The following NFIB variants were observed in gnomAD, a reference collection of about 807,000 sequenced individuals.
NFIB encodes nuclear factor 1 B-type.
In NFIB, 11 loss-of-function variants were observed where a neutral mutation model predicts 61.5. The ratio of observed to expected loss-of-function variants is 0.18; its 90% CI spans 0.11 to 0.30. NFIB has a LOEUF of 0.30. Ranked by LOEUF, NFIB falls within the 10% of genes least tolerant of loss-of-function variation. NFIB has a pLI of 1.00. For missense variants in NFIB, 471 were observed against 608.9 expected (o/e 0.77, Z 2.38); for synonymous variants, 260 against 216.5 (o/e 1.20, Z -1.76).
At chr9:14,372,712 C>T (rs188369906) in intron 1 of NFIB, among the ~76,000 whole-genome samples, 29 of 152,210 alleles carry the variant, frequency 1.9e-4, no homozygotes, top group Admixed American at 1.3e-4. Flanking sequence ...TGTGGTCCAG[C>T]GGGTGCCCTG....
At chr9:14,227,293 G>T (rs2052553626) in intron 2 of NFIB, among the ~76,000 whole-genome samples, 1 of 152,162 alleles carries the variant, frequency 6.6e-6, no homozygotes, top group Non-Finnish European at 1.5e-5. Flanking sequence ...CCAGTTTGCT[G>T]GTGAGATCTT....
At chr9:14,292,758 AAGAAGGTAATTCC>A (rs1166703135) in intron 2 of NFIB, among the ~76,000 whole-genome samples, 2 of 152,212 alleles carry the variant, frequency 1.3e-5, no homozygotes, top group Admixed American at 6.5e-5. Flanking sequence ...AAAGGAATGG[AAGAAGGTAATTCC>A]ATTATCAGGT....
intron 2 of NFIB, among the ~76,000 whole-genome samples, chr9:14,263,831 T>C (rs896420681): frequency 4.6e-5 from 7 of 152,154 alleles, no homozygotes; most frequent in Non-Finnish European, 1.0e-4. Flanking sequence ...AACCCAAATA[T>C]CAGGGTTTGT....
chr9:14,316,782 G>C (rs1450242567), upstream of NFIB, among the ~76,000 whole-genome samples: 1 of 152,110 alleles, frequency 6.6e-6, no homozygotes. Context: ...TGAGGGGAGG[G>C]GGTGGGGAAG....
At chr9:14,449,303 T>C in the NFIB span, among the ~76,000 whole-genome samples, 19 of 152,124 alleles carry the variant, frequency 1.2e-4, no homozygotes, top group African/African-American at 4.6e-4. Context: ...TATATGCACA[T>C]TGGAATCATT....
chr9:14,189,290 A>C (rs1021546012), intron 2 of NFIB, among the ~76,000 whole-genome samples: 2 of 152,214 alleles, frequency 1.3e-5, no homozygotes, highest in African/African-American at 2.4e-5. Context: ...CTCAGGGAGC[A>C]GGACATGTTC....
intron 6 of NFIB, among the ~76,000 whole-genome samples, chr9:14,143,802 T>C (rs991489697): frequency 7.9e-5 from 12 of 152,222 alleles, no homozygotes; most frequent in South Asian, 4.1e-4. Context: ...AGAACAACCA[T>C]TGGGCATTTT....
intron 1 of NFIB, chr9:14,322,331 A>ATG (rs1491120649): frequency 0.015 from 3,354 of 224,050 alleles, 36 homozygotes; most frequent in Non-Finnish European, 0.023. Flanking sequence ...GCGTGTGTGC[A>ATG]TGTATGTGTG....
intron 9 of NFIB, among the ~76,000 whole-genome samples, chr9:14,115,651 A>G (rs904082546): frequency 1.3e-5 from 2 of 152,234 alleles, no homozygotes; most frequent in Non-Finnish European, 2.9e-5. Context: ...GTGAAAGTAC[A>G]GGTAGCTTAC....
the NFIB span, among the ~76,000 whole-genome samples, chr9:14,530,965 A>C: frequency 6.6e-6 from 1 of 152,242 alleles, no homozygotes. Context: ...GAATGAACCC[A>C]ATGACGAATT....
intron 2 of NFIB, among the ~76,000 whole-genome samples, chr9:14,295,618 C>G (rs571350809): frequency 6.8e-6 from 1 of 146,200 alleles, no homozygotes; most frequent in Non-Finnish European, 1.5e-5. Context: ...GCTACCCAGC[C>G]AGACTCCTTC....
chr9:14,460,068 C>A, the NFIB span, among the ~76,000 whole-genome samples: 56 of 152,174 alleles, frequency 3.7e-4, 1 homozygote, highest in South Asian at 0.012. Flanking sequence ...CACATGCACA[C>A]GTATGTTTAT....
the NFIB span, among the ~76,000 whole-genome samples, chr9:14,529,340 G>T: frequency 6.6e-6 from 1 of 152,076 alleles, no homozygotes; most frequent in Non-Finnish European, 1.5e-5. Context: ...TGCAGCTTTG[G>T]AATTCAGGAT....
chr9:14,248,905 C>T (rs1233988016), intron 2 of NFIB, among the ~76,000 whole-genome samples: 1 of 152,184 alleles, frequency 6.6e-6, no homozygotes, highest in Non-Finnish European at 1.5e-5. Flanking sequence ...AAGAGAATGG[C>T]ATAGGAAGAG....
At chr9:14,108,581 T>C (rs926854526) in intron 10 of NFIB, among the ~76,000 whole-genome samples, 2 of 152,082 alleles carry the variant, frequency 1.3e-5, no homozygotes, top group Non-Finnish European at 2.9e-5. Context: ...AATAGCATTA[T>C]ATAGTCATGC....
At chr9:14,242,548 C>A (rs909354983) in intron 2 of NFIB, among the ~76,000 whole-genome samples, 2 of 152,326 alleles carry the variant, frequency 1.3e-5, no homozygotes, top group Admixed American at 1.3e-4. Context: ...CATCACAGAG[C>A]ACAAACAAAG....
chr9:14,281,779 A>G (rs1285487090), intron 2 of NFIB, among the ~76,000 whole-genome samples: 1 of 152,156 alleles, frequency 6.6e-6, no homozygotes, highest in Admixed American at 6.6e-5. Flanking sequence ...CCTTGACTAA[A>G]TGATTATAAT....
intron 3 of NFIB, among the ~76,000 whole-genome samples, chr9:14,170,878 G>C: frequency 6.6e-6 from 1 of 152,130 alleles, no homozygotes; most frequent in South Asian, 2.1e-4. Flanking sequence ...AAGCCCTCTT[G>C]GAAGTTTTCT....
At chr9:14,359,794 T>G (rs545145229) in intron 1 of NFIB, among the ~76,000 whole-genome samples, 11 of 152,208 alleles carry the variant, frequency 7.2e-5, no homozygotes, top group Admixed American at 7.2e-4. Flanking sequence ...TCTTTGCTAC[T>G]AGATATACCT....
Sources: allele counts gnomAD v4.1 joint callset (sites outside exome capture counted in the v4.1 genomes callset), GRCh38; gene constraint gnomAD v4.1.1; transcripts MANE v1.5; gene names NCBI Gene and HGNC (gene_info 2026-07-23, HGNC 2026-07-21).